GPATCH1: variants seen among roughly 807,000 people sequenced by gnomAD.
GPATCH1 encodes G patch domain-containing protein 1.
In GPATCH1, 73 loss-of-function variants were observed where a neutral mutation model predicts 114.9. The ratio of observed to expected loss-of-function variants is 0.64; its 90% CI spans 0.53 to 0.77. GPATCH1 has a LOEUF of 0.77. GPATCH1 is among the 30% of genes least tolerant of loss of function. The probability of loss-of-function intolerance (pLI) is 0.00; values close to 1 mark genes in which losing one functional copy is unlikely to be tolerated. For missense variants in GPATCH1, 1,058 were observed against 1,144.3 expected (o/e 0.92, Z 1.09); for synonymous variants, 391 against 428.4 (o/e 0.91, Z 1.08).
intron 3 of GPATCH1, 151 bp downstream of exon 3, chr19:33,091,016 T>A: frequency 1.6e-6 from 1 of 615,014 alleles, no homozygotes; most frequent in Non-Finnish European, 2.9e-6. Flanking sequence ...TGCAGTGTCC[T>A]GTACATCAGT....
At chr19:33,081,762 CAG>C (rs2145294343) in intron 1 of GPATCH1, among the ~76,000 whole-genome samples, 1 of 152,192 alleles carries the variant, frequency 6.6e-6, no homozygotes, top group Admixed American at 6.6e-5. Flanking sequence ...AAAAGAATGT[CAG>C]AGGGGCTGAC....
intron 14 of GPATCH1, 113 bp downstream of exon 14, chr19:33,114,016 C>G: frequency 1.0e-6 from 1 of 956,262 alleles, no homozygotes; most frequent in South Asian, 1.6e-5. Flanking sequence ...TGCATATTCT[C>G]CCTCCATTGA....
chr19:33,110,392 C>G (rs1972838932), intron 11 of GPATCH1, among the ~76,000 whole-genome samples: 1 of 152,096 alleles, frequency 6.6e-6, no homozygotes, highest in South Asian at 2.1e-4. Flanking sequence ...GACTCATAGT[C>G]TAAAATATGA....
In GPATCH1 at chr19:33,115,144, C is replaced by T. The variant is rs1219526518; in HGVS notation, c.2196+725C>T. On this transcript the variant is annotated intron_variant, in intron 15 of 19. Transcript: ENST00000170564. The stretch of plus-strand genomic sequence containing the variant: ...TGTTGTGATAATGGCTCACTGCAGG[C>T]TCGAACGCCCAGGTTCAAGCAATCC... Among the ~76,000 whole-genome samples the T allele has an allele frequency of 4.7e-5, 7 of 149,920 alleles. No individual in the cohort carries two copies. The East Asian group carries it at 1.4e-3, about 29-fold the overall frequency.
intron 1 of GPATCH1, among the ~76,000 whole-genome samples, chr19:33,083,243 C>CTAAAA (rs1972499236): frequency 1.6e-5 from 1 of 61,684 alleles, no homozygotes; most frequent in Non-Finnish European, 3.2e-5. Context: ...GACTCTGTCT[C>CTAAAA]AAAAAAAAAA....
At position 33,101,563 on chromosome 19, in the gene GPATCH1, T is replaced by C. The variant is rs1488099702; in HGVS notation, c.1069T>C (p.Ser357Pro). The change falls in exon 9 of 20, where the codon TCT becomes CCT. Residue 357 changes from serine (S) to proline (P), a missense_variant. This residue lies in a region of GPATCH1 where 893 missense variants were observed against 977.4 expected (regional missense o/e 0.91). Coordinates refer to ENST00000170564, the MANE Select transcript of GPATCH1 (RefSeq NM_018025.3). ...ATTTTCCTTGGCTTCTAAACCTTTA[T>C]CTTCTAAGAAAGTAAGAAAAACTTT... ...DGFSLASKPL[S>P]SKKIYPPPEL... 2 of 1,576,214 alleles carry C rather than the reference T, an allele frequency of 1.3e-6. No individual in the cohort carries two copies. Among genetic ancestry groups the C allele is most frequent in the African/African-American group, 2.7e-5 (2 of 73,994 alleles).
chr19:33,129,987 T>C, intron 19 of GPATCH1, 143 bp from the exon 20 acceptor site: 1 of 607,910 alleles, frequency 1.6e-6, no homozygotes, highest in Non-Finnish European at 2.9e-6. Flanking sequence ...AGTACTTCAT[T>C]GTGGGTTATT....
rs1599850013 is a variant in GPATCH1 at position 33,088,424 on chromosome 19, A to G, written c.208+156A>G. On this transcript the variant is annotated intron_variant, in intron 2 of 19. Coordinates refer to ENST00000170564, the MANE Select transcript of GPATCH1 (RefSeq NM_018025.3). ...CTGTTGTGTGATCTTGGCTTACTGCAACCTCCGCCTCCTGGATTAAGCGAT... is the reference window on the plus strand; with the variant it reads ...CTGTTGTGTGATCTTGGCTTACTGCGACCTCCGCCTCCTGGATTAAGCGAT... Among the ~76,000 whole-genome samples, 4 of 151,542 alleles carry G rather than the reference A, an allele frequency of 2.6e-5. No individual in the cohort carries two copies. The East Asian group carries it at 7.7e-4, about 29-fold the overall frequency.
rs1467635941 is a variant in GPATCH1, at chr19:33,114,281, C to T, written c.2058C>T (p.Thr686=). 1 of 1,612,704 alleles carries T rather than the reference C, an allele frequency of 6.2e-7. No homozygotes were observed. Reference sequence around the variant, plus strand: ...CAAGAAAACCATCCAGATGGGATACCTCTAAACACGAAAAGAAAGAAGATT... The same window carrying T: ...CAAGAAAACCATCCAGATGGGATACTTCTAAACACGAAAAGAAAGAAGATT... ...DKSRKPSRWD[T]SKHEKKEDSI... Residue 686 remains threonine (T), a synonymous_variant, in exon 15 of 20, where the codon ACC becomes ACT. Coordinates refer to ENST00000170564, the MANE Select transcript of GPATCH1 (RefSeq NM_018025.3).
chr19:33,121,640 A>T (rs79971388), intron 17 of GPATCH1, among the ~76,000 whole-genome samples: 3,205 of 152,190 alleles, frequency 0.021, 62 homozygotes, highest in Non-Finnish European at 0.034. Context: ...TTTTTACTTT[A>T]GCTAATGTAG....
At chr19:33,087,753 G>A (rs901696286) in intron 1 of GPATCH1, among the ~76,000 whole-genome samples, 2 of 149,236 alleles carry the variant, frequency 1.3e-5, no homozygotes, top group South Asian at 2.1e-4. Context: ...GTGTGATCTC[G>A]GCTCACTGCA....
intron 15 of GPATCH1, among the ~76,000 whole-genome samples, chr19:33,117,603 T>C (rs551092664): frequency 3.9e-5 from 6 of 152,248 alleles, no homozygotes; most frequent in African/African-American, 1.4e-4. Flanking sequence ...CCGGTTTTGC[T>C]TCTTTGACCT....
chr19:33,124,113 CA>C (rs573541681), intron 17 of GPATCH1, among the ~76,000 whole-genome samples: 3 of 152,222 alleles, frequency 2.0e-5, no homozygotes, highest in African/African-American at 7.2e-5. Context: ...CTCAGCCTCC[CA>C]AAGTGCTGGG....
At chr19:33,083,237 C>T in intron 1 of GPATCH1, among the ~76,000 whole-genome samples, 1 of 105,108 alleles carries the variant, frequency 9.5e-6, no homozygotes, top group African/African-American at 4.2e-5. Context: ...GAGCGAGACT[C>T]TGTCTCAAAA....
chr19:33,124,968 C>A, intron 17 of GPATCH1, 137 bp from the exon 18 acceptor site: 1 of 831,036 alleles, frequency 1.2e-6, no homozygotes, highest in Non-Finnish European at 1.9e-6. Flanking sequence ...GAAGCTAATC[C>A]AAGGGCAGGA....
chr19:33,109,769 C>A lies in GPATCH1; in HGVS notation c.1338C>A (p.Ile446=). The A allele has an allele frequency of 6.3e-7, 1 of 1,599,536 alleles. No individual in the cohort carries two copies. The highest frequency in any genetic ancestry group is 1.1e-5 in the South Asian group (1 of 88,652). The change falls in exon 11 of 20, where the codon ATC becomes ATA. Residue 446 remains isoleucine, a synonymous_variant. Coordinates refer to ENST00000170564, the MANE Select transcript of GPATCH1 (RefSeq NM_018025.3). ...TGTCCCAAAAAGACAAAGAGAGAAT[C>A]AAAGAAATGAAGCAGGCAACTGACC... The part of the protein sequence containing the change: ...EFLSQKDKER[I]KEMKQATDLK...
chr19:33,124,042 C>T (rs1032581292), intron 17 of GPATCH1, among the ~76,000 whole-genome samples: 5 of 151,886 alleles, frequency 3.3e-5, no homozygotes, highest in Admixed American at 3.3e-4. Flanking sequence ...TTAATAGAGA[C>T]AGGGTTTCAC....
chr19:33,126,791 G>A (rs1841671796), intron 19 of GPATCH1, 58 bp downstream of exon 19: 9 of 1,399,648 alleles, frequency 6.4e-6, no homozygotes, highest in Non-Finnish European at 7.9e-6. Flanking sequence ...TTGAGTGCTT[G>A]ATGTGTTTGC....
chr19:33,102,900 C>G (rs1286130435), intron 9 of GPATCH1, among the ~76,000 whole-genome samples: 1 of 152,206 alleles, frequency 6.6e-6, no homozygotes, highest in Admixed American at 6.5e-5. Context: ...GCCTCCTCAG[C>G]TGGGGCCGAG....
Sources: gnomAD v4.1 joint callset for allele counts (sites outside exome capture counted in the v4.1 genomes callset) on GRCh38, gnomAD v4.1.1 for gene constraint, gnomAD v4.1.1 regional missense constraint, MANE v1.5 for transcripts, NCBI Gene and HGNC (gene_info 2026-07-23, HGNC 2026-07-21) for gene names.